The following KIF13B variants were observed in gnomAD, a reference collection of about 807,000 sequenced individuals.
KIF13B encodes kinesin family member 13B.
A neutral mutation model predicts 222.0 loss-of-function variants in KIF13B; 127 were observed. That is an observed-to-expected ratio of 0.57 (90% confidence interval 0.50 to 0.66). The LOEUF is 0.66. Ranked by LOEUF, KIF13B falls within the 30% of genes least tolerant of loss-of-function variation. The pLI is 0.00. For synonymous variants in KIF13B, 976 were observed against 919.0 expected (o/e 1.06, Z -1.12); for missense variants, 2,173 against 2,379.0 (o/e 0.91, Z 1.80).
chr8:29,224,351 A>G (rs1305359915), intron 2 of KIF13B, among the ~76,000 whole-genome samples: 1 of 152,200 alleles, frequency 6.6e-6, no homozygotes, highest in Non-Finnish European at 1.5e-5. Context: ...AGTATTTAAT[A>G]AAAGAAGAGA....
At position 29,092,892 on chromosome 8, in the gene KIF13B, AG is replaced by A; in HGVS notation, c.4325-15del. 6.3e-7 allele frequency: 1 copy of A among 1,593,842 alleles called. No individual in the cohort carries two copies. Among genetic ancestry groups the A allele is most frequent in the Admixed American group, 1.8e-5 (1 of 56,530 alleles). On this transcript the variant is annotated splice_polypyrimidine_tract_variant and intron_variant, in intron 36 of 39. Transcript: ENST00000524189. ...GGTTACTGAGTCCTGCCCATATTACAGGGGAAAAAGATAAAACAAATACAAT... is the reference window on the plus strand; with the variant it reads ...GGTTACTGAGTCCTGCCCATATTACAGGGAAAAAGATAAAACAAATACAAT...
At position 29,132,422 on chromosome 8, in the gene KIF13B, G is replaced by T. The variant is rs1810385800; in HGVS notation, c.2828C>A (p.Ser943Tyr). ...NITEDFIEHL[S>Y]EGALAIEVYG... ...TACTTCAATTGCCAATGCTCCTTCG[G>T]AAAGATGCTCGATAAAGTCTTCGGT... Residue 943 changes from serine to tyrosine, a missense_variant, in exon 23 of 40, where the codon TCC (serine) becomes TAC (tyrosine). Physicochemically the swap from Ser to Tyr is moderately radical, Grantham distance 144. Around this residue, in one of 2 missense-constraint regions of KIF13B, gnomAD observed 1,480 missense variants for 1,722.8 expected, o/e 0.86. Coordinates refer to ENST00000524189, the MANE Select transcript of KIF13B (RefSeq NM_015254.4). 1 of 1,579,166 alleles carries T rather than the reference G, an allele frequency of 6.3e-7. No individual in the cohort carries two copies.
intron 2 of KIF13B, among the ~76,000 whole-genome samples, chr8:29,213,735 G>T (rs1814340566): frequency 6.6e-6 from 1 of 152,038 alleles, no homozygotes; most frequent in African/African-American, 2.4e-5. Flanking sequence ...GATCACCTGA[G>T]GTCAGGAGTT....
intron 14 of KIF13B, among the ~76,000 whole-genome samples, 194 bp from the exon 15 acceptor site, chr8:29,150,577 G>C (rs940240353): frequency 6.6e-6 from 1 of 152,148 alleles, no homozygotes; most frequent in Non-Finnish European, 1.5e-5. Flanking sequence ...ACAAAGCACA[G>C]GCACATCTCA....
At chr8:29,150,979 G>A (rs573962898) in intron 14 of KIF13B, among the ~76,000 whole-genome samples, 36 of 151,490 alleles carry the variant, frequency 2.4e-4, no homozygotes, top group African/African-American at 7.8e-4. Flanking sequence ...GAATCACATC[G>A]AAAACCAAGA....
At chr8:29,079,968 A>G (rs2133498409) in intron 37 of KIF13B, among the ~76,000 whole-genome samples, 1 of 152,314 alleles carries the variant, frequency 6.6e-6, no homozygotes, top group Admixed American at 6.5e-5. Context: ...CTGAGAAACA[A>G]AAGGAAGCAG....
At chr8:29,177,790 G>T (rs1229570957) in intron 8 of KIF13B, among the ~76,000 whole-genome samples, 1 of 152,170 alleles carries the variant, frequency 6.6e-6, no homozygotes, top group Non-Finnish European at 1.5e-5. Context: ...TGTGCCTGTA[G>T]TCCCAGCTAC....
In KIF13B at chr8:29,258,268, C is replaced by T. The variant is rs1816559211; in HGVS notation, c.55+4712G>A. ...TTTTCCTTTGCCTGTTGATTCACAG[C>T]TGCTTAATTTTGACCGACTTCCTTA... On this transcript the variant is annotated intron_variant, in intron 1 of 39. Coordinates refer to ENST00000524189, the MANE Select transcript of KIF13B (RefSeq NM_015254.4). 2.0e-5 allele frequency among the ~76,000 whole-genome samples: 3 copies of T among 152,210 alleles called. No individual in the cohort carries two copies. In the South Asian group the frequency reaches 6.2e-4, roughly 32 times the overall value.
chr8:29,224,175 T>C (rs1192328748), intron 2 of KIF13B, among the ~76,000 whole-genome samples: 1 of 49,172 alleles, frequency 2.0e-5, no homozygotes. Context: ...TGTGTGTGTG[T>C]ATTTTTTTTA....
chr8:29,165,818 G>A (rs1363744375), intron 11 of KIF13B, 46 bp from the exon 12 acceptor site: 31 of 1,372,712 alleles, frequency 2.3e-5, no homozygotes, highest in Non-Finnish European at 3.2e-5. Context: ...AAGATGCCCT[G>A]GAAAAAGAAG....
chr8:29,130,739 A>G (rs766600784), intron 23 of KIF13B, 74 bp from the exon 24 acceptor site: 10 of 1,369,020 alleles, frequency 7.3e-6, no homozygotes, highest in East Asian at 2.3e-5. Flanking sequence ...TCCTACACAC[A>G]TAAGAATTAA....
chr8:29,153,051 G>A (rs751121825), intron 14 of KIF13B, among the ~76,000 whole-genome samples: 1 of 152,022 alleles, frequency 6.6e-6, no homozygotes, highest in Non-Finnish European at 1.5e-5. Flanking sequence ...AGTCTCCAAC[G>A]TATGCCTGTA....
intron 36 of KIF13B, among the ~76,000 whole-genome samples, chr8:29,094,163 A>G (rs1048232582): frequency 1.4e-5 from 2 of 147,110 alleles, no homozygotes; most frequent in African/African-American, 4.9e-5. Flanking sequence ...ACACCCACCC[A>G]CCCTACCACA....
chr8:29,238,828 C>T (rs1815628225), intron 2 of KIF13B, among the ~76,000 whole-genome samples: 2 of 152,122 alleles, frequency 1.3e-5, no homozygotes, highest in Admixed American at 1.3e-4. Flanking sequence ...TTTCAACCTC[C>T]AAACGTTCTG....
intron 2 of KIF13B, among the ~76,000 whole-genome samples, chr8:29,215,509 G>A (rs1586937222): frequency 6.6e-6 from 1 of 152,008 alleles, no homozygotes; most frequent in East Asian, 1.9e-4. Context: ...AGCAACGTAG[G>A]GAGACCCTGT....
At chr8:29,129,278 T>C (rs1407882014) in intron 24 of KIF13B, among the ~76,000 whole-genome samples, 1 of 152,194 alleles carries the variant, frequency 6.6e-6, no homozygotes, top group Non-Finnish European at 1.5e-5. Flanking sequence ...TGCCTTCCAG[T>C]AGATGAATTT....
intron 37 of KIF13B, among the ~76,000 whole-genome samples, chr8:29,092,041 C>CTGATG (rs1166345237): frequency 6.6e-6 from 1 of 152,234 alleles, no homozygotes; most frequent in Non-Finnish European, 1.5e-5. Flanking sequence ...CGTGAAGAAG[C>CTGATG]TGATGTCAAA....
intron 1 of KIF13B, chr8:29,250,163 T>A: frequency 1.5e-6 from 1 of 655,928 alleles, no homozygotes; most frequent in Non-Finnish European, 2.4e-6. Context: ...TGGTCATTAG[T>A]TTCTTGCAAG....
At chr8:29,116,699 G>T in intron 31 of KIF13B, 132 bp downstream of exon 31, 1 of 732,840 alleles carries the variant, frequency 1.4e-6, no homozygotes, top group East Asian at 2.8e-5. Flanking sequence ...CAGGACAGCA[G>T]CAGTCACCTG....
Sources: gnomAD v4.1 joint callset for allele counts (sites outside exome capture counted in the v4.1 genomes callset) on GRCh38, gnomAD v4.1.1 for gene constraint, gnomAD v4.1.1 regional missense constraint, MANE v1.5 for transcripts, NCBI Gene and HGNC (gene_info 2026-07-23, HGNC 2026-07-21) for gene names.